MTM1: variants seen among roughly 807,000 people sequenced by gnomAD.
MTM1 encodes the protein myotubularin.
Under a neutral mutation model 52.1 loss-of-function variants are expected in MTM1, and 9 were observed. The observed-to-expected ratio is 0.17, with a 90% CI of 0.10 to 0.30. The LOEUF is 0.30. MTM1 is among the 10% of genes least tolerant of loss of function. The probability of loss-of-function intolerance (pLI) is 1.00; values close to 1 mark genes in which losing one functional copy is unlikely to be tolerated. For synonymous variants in MTM1, 136 were observed against 163.8 expected (o/e 0.83, Z 1.29); for missense variants, 277 against 470.7 (o/e 0.59, Z 3.81).
rs1459054462 is a variant in MTM1 at position 150,603,878 on chromosome X, G to A, written c.231+5192G>A. On this transcript the variant is annotated intron_variant, in intron 4 of 14. Transcript: ENST00000370396. ...CCGGGGGACATGGACACTTTTCCAT[G>A]GTGCGGAGAGCGAGAAGAGCCAGTG... Among the ~76,000 whole-genome samples the A allele has an allele frequency of 2.7e-5, 3 of 111,717 alleles. No individual in the cohort carries two copies. The East Asian group carries it at 8.4e-4, about 31-fold the overall frequency.
intron 6 of MTM1, among the ~76,000 whole-genome samples, chrX:150,619,904 G>A (rs183372169): frequency 2.2e-4 from 25 of 111,636 alleles, no homozygotes; most frequent in African/African-American, 6.2e-4. Context: ...AGACTAAACC[G>A]AAGGTGATGG....
chrX:150,634,016 T>C (rs782755796), intron 6 of MTM1, among the ~76,000 whole-genome samples: 3 of 112,520 alleles, frequency 2.7e-5, no homozygotes, highest in Non-Finnish European at 5.6e-5. Context: ...GCGTGGGCGA[T>C]AGAGCCAGGA....
chrX:150,657,312 T>C (rs2040135256), intron 10 of MTM1, among the ~76,000 whole-genome samples: 1 of 111,260 alleles, frequency 9.0e-6, no homozygotes, highest in Non-Finnish European at 1.9e-5. Context: ...GATGAGTTCA[T>C]GTCCTTTGTA....
intron 4 of MTM1, among the ~76,000 whole-genome samples, chrX:150,611,715 C>T (rs998603175): frequency 1.3e-4 from 15 of 111,444 alleles, no homozygotes; most frequent in African/African-American, 4.6e-4. Flanking sequence ...CCCAGGTAAC[C>T]ACCATCAATA....
At chrX:150,605,575 G>A (rs2039142165) in intron 4 of MTM1, among the ~76,000 whole-genome samples, 1 of 112,274 alleles carries the variant, frequency 8.9e-6, no homozygotes, top group South Asian at 3.7e-4. Context: ...CTATAAAGAT[G>A]GAGCATACAG....
At chrX:150,619,284 T>A (rs2039438023) in intron 6 of MTM1, 145 bp downstream of exon 6, 1 of 517,439 alleles carries the variant, frequency 1.9e-6, no homozygotes, top group African/African-American at 2.3e-5. Flanking sequence ...ATTAAATAAT[T>A]TCATCATTTC....
intron 14 of MTM1, among the ~76,000 whole-genome samples, chrX:150,670,005 G>T (rs1205653822): frequency 5.4e-5 from 6 of 111,733 alleles, no homozygotes; most frequent in African/African-American, 2.0e-4. Context: ...CATGGTTTTG[G>T]GTTTTACATT....
intron 2 of MTM1, among the ~76,000 whole-genome samples, chrX:150,595,047 GAA>G (rs10709789): frequency 8.5e-5 from 9 of 105,292 alleles, no homozygotes; most frequent in Middle Eastern, 4.9e-3. Flanking sequence ...GCCTCTGAAT[GAA>G]AAAAAAAAAC....
rs2038618963 is a variant in MTM1, at chrX:150,583,093, A to G, written c.-10-9512A>G. On this transcript the variant is annotated intron_variant, in intron 1 of 14. Transcript: ENST00000370396. Reference sequence around the variant, plus strand: ...TATTTAAATATATATTAAATTATATATATTTATATATAAATTATAAATTAT... The same window carrying G: ...TATTTAAATATATATTAAATTATATGTATTTATATATAAATTATAAATTAT... 4.7e-5 allele frequency among the ~76,000 whole-genome samples: 4 copies of G among 85,864 alleles called. No individual in the cohort carries two copies. The South Asian group carries it at 2.0e-3, about 43-fold the overall frequency. The allele number at this position is 85,864 out of a possible 115,157, so 74.6% of individuals were successfully genotyped here. A position where few individuals can be genotyped will look rare whatever the true frequency, so the allele number is the denominator to read the frequency against.
At chrX:150,602,814 G>A (rs181862498) in intron 4 of MTM1, among the ~76,000 whole-genome samples, 83 of 111,903 alleles carry the variant, frequency 7.4e-4, no homozygotes, top group African/African-American at 2.4e-3. Context: ...CTTAACCCTC[G>A]TTCATTCAGG....
chrX:150,598,870 G>A (rs1259563951), intron 4 of MTM1, among the ~76,000 whole-genome samples, 184 bp downstream of exon 4: 1 of 111,931 alleles, frequency 8.9e-6, no homozygotes, highest in African/African-American at 3.3e-5. Context: ...GTAAGGAACA[G>A]GGTCAATTAA....
chrX:150,660,033 G>A (rs1335151012), intron 12 of MTM1, among the ~76,000 whole-genome samples: 2 of 111,956 alleles, frequency 1.8e-5, no homozygotes, highest in African/African-American at 3.2e-5. Context: ...CCAAGTCGTC[G>A]TTTATATACA....
intron 1 of MTM1, among the ~76,000 whole-genome samples, chrX:150,570,448 A>G (rs1266405504): frequency 1.8e-5 from 2 of 111,651 alleles, no homozygotes; most frequent in Middle Eastern, 4.2e-3. Flanking sequence ...TTTTGGAGTC[A>G]TCATTTCTCC....
chrX:150,660,615 G>A (rs2040204420), intron 13 of MTM1, 131 bp downstream of exon 13: 1 of 492,425 alleles, frequency 2.0e-6, no homozygotes, highest in Non-Finnish European at 3.6e-6. Context: ...TTACATTAAA[G>A]GTATGCATTT....
At chrX:150,643,069 C>T (rs921549145) in intron 8 of MTM1, among the ~76,000 whole-genome samples, 4 of 111,490 alleles carry the variant, frequency 3.6e-5, no homozygotes, top group Non-Finnish European at 5.7e-5. Flanking sequence ...TACTATTAAG[C>T]GTGGTAATAT....
intron 10 of MTM1, among the ~76,000 whole-genome samples, chrX:150,654,847 G>A (rs2040083502): frequency 1.8e-5 from 2 of 111,432 alleles, no homozygotes; most frequent in South Asian, 3.7e-4. Flanking sequence ...TATAATACAT[G>A]TCTGTTGCAT....
At chrX:150,656,447 A>G (rs1223653128) in intron 10 of MTM1, among the ~76,000 whole-genome samples, 1 of 111,920 alleles carries the variant, frequency 8.9e-6, no homozygotes, top group East Asian at 2.8e-4. Flanking sequence ...TGAGCATGGC[A>G]CTGCCAGCAC....
intron 4 of MTM1, among the ~76,000 whole-genome samples, chrX:150,607,100 G>A (rs970342649): frequency 9.3e-6 from 1 of 107,775 alleles, no homozygotes; most frequent in Non-Finnish European, 1.9e-5. Context: ...AGATTCTCCC[G>A]CCTCAGCTTC....
intron 6 of MTM1, among the ~76,000 whole-genome samples, chrX:150,620,222 G>A (rs781982302): frequency 8.9e-6 from 1 of 111,851 alleles, no homozygotes; most frequent in African/African-American, 3.2e-5. Context: ...ATCAGAAATT[G>A]ACAGAATGGC....
Sources: gnomAD v4.1 joint callset for allele counts (sites outside exome capture counted in the v4.1 genomes callset) on GRCh38, gnomAD v4.1.1 for gene constraint, MANE v1.5 for transcripts, NCBI Gene and HGNC (gene_info 2026-07-23, HGNC 2026-07-21) for gene names.